TBC1D32: variants seen among roughly 807,000 people sequenced by gnomAD.
The protein encoded by TBC1D32 is protein broad-minded.
In TBC1D32, 151 loss-of-function variants were observed where a neutral mutation model predicts 170.3. That is an observed-to-expected ratio of 0.89 (90% CI 0.78 to 1.01). The LOEUF is 1.01. TBC1D32 is among the 50% of genes least tolerant of loss of function. The probability of loss-of-function intolerance (pLI) is 0.00; values close to 1 mark genes in which losing one functional copy is unlikely to be tolerated. For missense variants in TBC1D32, 1,464 were observed against 1,457.1 expected (o/e 1.00, Z -0.08); for synonymous variants, 498 against 488.0 (o/e 1.02, Z -0.27).
At position 121,160,119 on chromosome 6, in the gene TBC1D32, G is replaced by A; in HGVS notation, c.2680-16C>T. 1.3e-6 allele frequency: 2 copies of A among 1,486,652 alleles called. No individual in the cohort carries two copies. Among genetic ancestry groups the A allele is most frequent in the Non-Finnish European group, 1.9e-6 (2 of 1,072,026 alleles). The allele number at this position is 1,486,652 out of a possible 1,614,324, so 92.1% of individuals were successfully genotyped here. On this transcript the variant is annotated splice_polypyrimidine_tract_variant and intron_variant, in intron 23 of 31. Transcript: ENST00000398212. ...GATTATCACTCTAAAAAAGAAGCAAGACAGATGACTTTAGGAAGTGGTCTA... is the reference window on the plus strand; with the variant it reads ...GATTATCACTCTAAAAAAGAAGCAAAACAGATGACTTTAGGAAGTGGTCTA...
chr6:121,100,945 A>G (rs1777981116), intron 30 of TBC1D32, among the ~76,000 whole-genome samples: 2 of 152,190 alleles, frequency 1.3e-5, no homozygotes, highest in Admixed American at 6.6e-5. Context: ...ACCATCAGAG[A>G]ATACTATAAA....
intron 28 of TBC1D32, 126 bp downstream of exon 28, chr6:121,112,933 TATC>T (rs1320926367): frequency 2.8e-6 from 2 of 706,320 alleles, no homozygotes; most frequent in Non-Finnish European, 2.3e-6. Context: ...TGTAAGAATA[TATC>T]ATAACAAATC....
rs557588061 is a variant in TBC1D32, at chr6:121,079,738, A to T, written c.*1033T>A. The T allele has an allele frequency of 3.5e-4, 54 of 152,304 alleles. No individual in the cohort carries two copies. The highest frequency in any genetic ancestry group is 1.3e-3 in the African/African-American group (52 of 41,598). 9.4% of individuals were successfully genotyped at this position (152,304 alleles called of 1,614,324 possible). ...TTTAAATAAGACAAATCATAGTGTT[A>T]GCCATTTAAAATAATTTAGAAATGT... On this transcript the variant is annotated 3_prime_UTR_variant, in exon 32 of 32. Transcript: ENST00000398212.
At chr6:121,262,883 A>G (rs1330794009) in intron 15 of TBC1D32, among the ~76,000 whole-genome samples, 3 of 152,194 alleles carry the variant, frequency 2.0e-5, no homozygotes, top group African/African-American at 7.2e-5. Context: ...ATGCTAAGGG[A>G]GTTCATCACC....
chr6:121,250,376 A>G (rs1395601100), intron 17 of TBC1D32, among the ~76,000 whole-genome samples: 1 of 152,144 alleles, frequency 6.6e-6, no homozygotes, highest in Non-Finnish European at 1.5e-5. Context: ...CATATCAAAA[A>G]GCTTATCCAC....
chr6:121,183,309 C>T (rs1583113233), intron 22 of TBC1D32, among the ~76,000 whole-genome samples: 3 of 152,086 alleles, frequency 2.0e-5, no homozygotes, highest in Admixed American at 6.6e-5. Context: ...AATTTTAAGG[C>T]TCTCAGAGGC....
intron 12 of TBC1D32, 41 bp from the exon 13 acceptor site, chr6:121,283,951 T>C: frequency 2.1e-6 from 3 of 1,403,948 alleles, no homozygotes; most frequent in Non-Finnish European, 3.0e-6. Context: ...TTCTAGCATA[T>C]TCTTTCAACT....
chr6:121,241,089 C>T (rs1232640364), intron 19 of TBC1D32, among the ~76,000 whole-genome samples: 1 of 151,954 alleles, frequency 6.6e-6, no homozygotes, highest in Non-Finnish European at 1.5e-5. Context: ...CATATGTAAG[C>T]CACTGACAAT....
intron 26 of TBC1D32, among the ~76,000 whole-genome samples, chr6:121,118,491 T>C (rs1779911316): frequency 6.6e-6 from 1 of 152,182 alleles, no homozygotes; most frequent in Non-Finnish European, 1.5e-5. Context: ...TCACTCAGTG[T>C]GGGTCATGCA....
intron 24 of TBC1D32, among the ~76,000 whole-genome samples, chr6:121,143,444 A>G (rs1412066259): frequency 6.6e-6 from 1 of 152,190 alleles, no homozygotes; most frequent in Non-Finnish European, 1.5e-5. Context: ...CAATGAGCTA[A>G]CAAGAGGCAA....
At chr6:121,212,165 T>C (rs892745726) in intron 21 of TBC1D32, among the ~76,000 whole-genome samples, 2 of 151,772 alleles carry the variant, frequency 1.3e-5, no homozygotes, top group Non-Finnish European at 2.9e-5. Context: ...CCCCCAAGAC[T>C]GAACCAGGAA....
At chr6:121,318,700 G>GC (rs1350967701) in intron 2 of TBC1D32, among the ~76,000 whole-genome samples, 3 of 150,992 alleles carry the variant, frequency 2.0e-5, no homozygotes, top group African/African-American at 7.3e-5. Flanking sequence ...TATGACTATA[G>GC]CAAGAAATAA....
chr6:121,128,356 C>A (rs1050392404), intron 25 of TBC1D32, among the ~76,000 whole-genome samples: 1 of 152,230 alleles, frequency 6.6e-6, no homozygotes, highest in Middle Eastern at 3.4e-3. Flanking sequence ...ATCTTTCTAA[C>A]CAATTGTAAG....
intron 17 of TBC1D32, among the ~76,000 whole-genome samples, chr6:121,249,716 A>G (rs981931510): frequency 3.9e-5 from 6 of 152,022 alleles, no homozygotes; most frequent in African/African-American, 1.4e-4. Flanking sequence ...CCCTTTTACA[A>G]CAGCTAAAAA....
intron 21 of TBC1D32, among the ~76,000 whole-genome samples, chr6:121,215,379 T>C (rs1266678059): frequency 1.3e-5 from 2 of 152,212 alleles, no homozygotes; most frequent in East Asian, 3.9e-4. Context: ...TCATGGGGCA[T>C]GCAGGCCCAG....
At chr6:121,238,364 A>G (rs1188676790) in intron 20 of TBC1D32, among the ~76,000 whole-genome samples, 1 of 152,060 alleles carries the variant, frequency 6.6e-6, no homozygotes, top group Non-Finnish European at 1.5e-5. Flanking sequence ...TAGCTACTTG[A>G]TTTTTAACTT....
intron 22 of TBC1D32, among the ~76,000 whole-genome samples, chr6:121,191,152 G>C (rs1269680281): frequency 7.3e-5 from 11 of 151,638 alleles, no homozygotes; most frequent in Admixed American, 6.6e-4. Context: ...CATATATTTG[G>C]ATATATACAC....
intron 12 of TBC1D32, 144 bp downstream of exon 12, chr6:121,291,909 C>G: frequency 2.5e-6 from 2 of 794,370 alleles, no homozygotes; most frequent in Non-Finnish European, 3.4e-6. Flanking sequence ...ACAAATACTT[C>G]AAAGTGTATA....
At position 121,085,242 on chromosome 6, in the gene TBC1D32, C is replaced by CATAT. The variant is rs1582693503; in HGVS notation, c.3655-4353_3655-4352insATAT. On this transcript the variant is annotated intron_variant, in intron 31 of 31. Coordinates refer to ENST00000398212, the MANE Select transcript of TBC1D32 (RefSeq NM_152730.6). ...ATACACATATATATATACACATATA[C>CATAT]ATACGTATATATATACACATATATA... Among the ~76,000 whole-genome samples, 13 of 127,800 alleles carry CATAT rather than the reference C, an allele frequency of 1.0e-4. 1 individual carries two copies. In the East Asian group the frequency reaches 2.5e-3, roughly 24 times the overall value. The allele number at this position is 127,800 out of a possible 152,430, so 83.8% of individuals were successfully genotyped here.
Sources: gnomAD v4.1 joint callset for allele counts (sites outside exome capture counted in the v4.1 genomes callset) on GRCh38, gnomAD v4.1.1 for gene constraint, MANE v1.5 for transcripts, NCBI Gene and HGNC (gene_info 2026-07-23, HGNC 2026-07-21) for gene names.